Variants in CIT observed in about 807,000 individuals in gnomAD.
CIT encodes the protein citron rho-interacting serine/threonine kinase, also known as citron Rho-interacting kinase.
A neutral mutation model predicts 272.7 loss-of-function variants in CIT; 79 were observed. The ratio of observed to expected loss-of-function variants is 0.29; its 90% confidence interval spans 0.24 to 0.35. The LOEUF is 0.35. CIT is among the 10% of genes least tolerant of loss of function. CIT has a pLI of 1.00. For missense variants in CIT, 1,909 were observed against 2,618.3 expected, an observed-to-expected ratio of 0.73 and a Z score of 5.91; for synonymous variants, 948 against 995.6, an observed-to-expected ratio of 0.95 and a Z score of 0.90.
At chr12:119,864,674 C>T (rs1159914722) in intron 3 of CIT, among the ~76,000 whole-genome samples, 1 of 152,164 alleles carries the variant, frequency 6.6e-6, no homozygotes, top group Non-Finnish European at 1.5e-5. Context: ...ATATTTTTTA[C>T]ACAAATTATC....
intron 13 of CIT, among the ~76,000 whole-genome samples, chr12:119,778,269 C>A (rs1963965903): frequency 6.6e-6 from 1 of 152,146 alleles, no homozygotes; most frequent in Non-Finnish European, 1.5e-5. Context: ...CAGAACTGGG[C>A]TCACCAAAAG....
intron 18 of CIT, among the ~76,000 whole-genome samples, chr12:119,767,934 G>A (rs1424627294): frequency 1.4e-5 from 2 of 143,996 alleles, no homozygotes; most frequent in Non-Finnish European, 3.0e-5. Flanking sequence ...TTTTTTAGAC[G>A]GATTTTCACT....
rs1956095903 is a variant in CIT at position 119,694,052 on chromosome 12, A to G, written c.5883-3598T>C. ...TTAAATAATCTCAGACCTTCTTTGCAGGCCAAGGTTTCAAACTTCCTACAC... is the reference window on the plus strand; with the variant it reads ...TTAAATAATCTCAGACCTTCTTTGCGGGCCAAGGTTTCAAACTTCCTACAC... On this transcript the variant is annotated intron_variant, in intron 46 of 47. Transcript: ENST00000392521. This position sits in a 1 kb window ranked among gnomAD's most constrained non-coding sequence, Gnocchi z 4.5. Among the ~76,000 whole-genome samples, 1 of 152,130 alleles carries G rather than the reference A, an allele frequency of 6.6e-6. No individual in the cohort carries two copies. The highest frequency in any genetic ancestry group is 2.1e-4 in the South Asian group (1 of 4,824).
intron 1 of CIT, 52 bp from the exon 2 acceptor site, chr12:119,876,233 G>A: frequency 8.5e-7 from 1 of 1,171,374 alleles, no homozygotes; most frequent in Admixed American, 1.9e-5. Flanking sequence ...AGCAGGAAGG[G>A]CCTGAGAGAT....
At chr12:119,790,760 T>G (rs1472802559) in intron 10 of CIT, among the ~76,000 whole-genome samples, 1 of 152,162 alleles carries the variant, frequency 6.6e-6, no homozygotes, top group Non-Finnish European at 1.5e-5. Context: ...CCAAAGATGC[T>G]GCTCAACATC....
chr12:119,790,799 A>C lies in CIT; in HGVS notation c.1296-5734T>G, dbSNP rs181988854. On this transcript the variant is annotated intron_variant, in intron 10 of 47. Coordinates refer to ENST00000392521, the MANE Select transcript of CIT (RefSeq NM_001206999.2). ...CAATCCACAGGACAGCTCCCACAAC[A>C]AGAATTATCCAGCCCAAAATGTCAA... is the stretch of plus-strand genomic sequence containing the variant. 4.3e-4 allele frequency among the ~76,000 whole-genome samples: 66 copies of C among 152,292 alleles called. 1 individual carries two copies. In the East Asian group the frequency reaches 0.012, roughly 28 times the overall value.
At position 119,784,710 on chromosome 12, in the gene CIT, C is replaced by T. The variant is rs1387676664; in HGVS notation, c.1401+250G>A. 5.5e-5 allele frequency: 74 copies of T among 1,345,776 alleles called. No homozygotes were observed. Among genetic ancestry groups the T allele is most frequent in the Non-Finnish European group, 6.5e-5 (68 of 1,050,204 alleles). 83.4% of individuals were successfully genotyped at this position (1,345,776 alleles called of 1,614,324 possible). On this transcript the variant is annotated intron_variant, in intron 11 of 47. Coordinates refer to ENST00000392521, the MANE Select transcript of CIT (RefSeq NM_001206999.2). The surrounding 1 kb of genome is among the most constrained non-coding windows in gnomAD (Gnocchi z 4.7). ...GGAAGAAGCAGACATCTGGCTGGGT[C>T]ATGCTGAGAAACGGACTGTTTAAAT...
chr12:119,711,099 G>A, intron 37 of CIT: 1 of 1,366,588 alleles, frequency 7.3e-7, no homozygotes, highest in Non-Finnish European at 9.8e-7. Context: ...CGGGCCTATT[G>A]TACACATATT....
rs948815151 is a variant in CIT, at chr12:119,836,370, T to TCC, written c.517-2144_517-2143dup. Among the ~76,000 whole-genome samples the TCC allele has an allele frequency of 6.7e-5, 10 of 149,992 alleles. 1 individual carries two copies. Among genetic ancestry groups the TCC allele is most frequent in the Non-Finnish European group, 1.0e-4 (7 of 67,738 alleles). ...CAGCACCTAACATACACACCTTCTT[T>TCC]CCCCCAAGTTCCTAGCAGACATTAG... On this transcript the variant is annotated intron_variant, in intron 5 of 47. Transcript: ENST00000392521.
chr12:119,769,949 C>T (rs1473546600), intron 18 of CIT, among the ~76,000 whole-genome samples: 7 of 152,188 alleles, frequency 4.6e-5, no homozygotes, highest in African/African-American at 1.4e-4. Flanking sequence ...GCCCTGCTCA[C>T]GACCTTGCCT....
intron 44 of CIT, 125 bp from the exon 45 acceptor site, chr12:119,698,179 C>A: frequency 1.3e-6 from 1 of 795,026 alleles, no homozygotes; most frequent in Non-Finnish European, 2.2e-6. Context: ...CCAACAAATA[C>A]ATATCTATGC....
chr12:119,734,542 C>G (rs1958649206), intron 25 of CIT, 185 bp from the exon 26 acceptor site: 1 of 642,870 alleles, frequency 1.6e-6, no homozygotes, highest in South Asian at 1.9e-5. Context: ...CTGCAGCCAC[C>G]TTAGAGGCAG....
intron 3 of CIT, among the ~76,000 whole-genome samples, chr12:119,865,320 A>G (rs1206861913): frequency 2.6e-5 from 4 of 152,232 alleles, no homozygotes. Context: ...TAGCCTCATC[A>G]CATAACTTCC....
Position 119,687,983 on chromosome 12 carries a change from G to GT in CIT, c.*248dup. ...AAAAGTTTGTGAATGCTTTGAAAGAGTAACAAAGTGCAAAGAGATGACTGC... is the reference window on the plus strand; with the variant it reads ...AAAAGTTTGTGAATGCTTTGAAAGAGTTAACAAAGTGCAAAGAGATGACTGC... On this transcript the variant is annotated 3_prime_UTR_variant, in exon 48 of 48. Transcript: ENST00000392521. The GT allele has an allele frequency of 1.8e-6, 1 of 559,832 alleles. No homozygotes were observed. Among genetic ancestry groups the GT allele is most frequent in the Non-Finnish European group, 3.2e-6 (1 of 314,038 alleles). 34.7% of individuals were successfully genotyped at this position (559,832 alleles called of 1,614,324 possible).
At position 119,702,531 on chromosome 12, in the gene CIT, CA is replaced by C. The variant is rs1956649979; in HGVS notation, c.5305-574del. On this transcript the variant is annotated intron_variant, in intron 41 of 47. Coordinates refer to ENST00000392521, the MANE Select transcript of CIT (RefSeq NM_001206999.2). ...TGAAACCCCGTCTCTACTAAAAATA[CA>C]AAAAATTAGCCAGGTGTGGTGGTGT... Among the ~76,000 whole-genome samples, 3 of 151,946 alleles carry C rather than the reference CA, an allele frequency of 2.0e-5. No individual in the cohort carries two copies. The South Asian group carries it at 6.2e-4, about 32-fold the overall frequency.
rs1249715983 is a variant in CIT, at chr12:119,745,786, G to T, written c.2905-3322C>A. Among the ~76,000 whole-genome samples the T allele has an allele frequency of 1.1e-4, 16 of 150,132 alleles. No homozygotes were observed. In the Admixed American group the frequency reaches 1.1e-3, roughly 10 times the overall value. On this transcript the variant is annotated intron_variant, in intron 23 of 47. Coordinates refer to ENST00000392521, the MANE Select transcript of CIT (RefSeq NM_001206999.2). Reference sequence around the variant, plus strand: ...AATGTCACATGTATCTCAAAAATATGTACGACTGTGATATACCAATAAAAA... The same window carrying T: ...AATGTCACATGTATCTCAAAAATATTTACGACTGTGATATACCAATAAAAA...
chr12:119,707,866 C>A (rs1209676406), intron 40 of CIT, among the ~76,000 whole-genome samples: 6 of 152,228 alleles, frequency 3.9e-5, no homozygotes, highest in Non-Finnish European at 7.3e-5. Context: ...ATCTGTCCAA[C>A]CTTAGACAAG....
chr12:119,752,684 G>A (rs1960416003), intron 22 of CIT, among the ~76,000 whole-genome samples: 1 of 152,110 alleles, frequency 6.6e-6, no homozygotes, highest in Non-Finnish European at 1.5e-5. Context: ...TTTTAAACAC[G>A]CTTTCTCTGA....
At position 119,876,063 on chromosome 12, in the gene CIT, A is replaced by G. The variant is rs781002867; in HGVS notation, c.96+10T>C. The G allele has an allele frequency of 1.3e-5, 21 of 1,595,980 alleles. No homozygotes were observed. The South Asian group carries it at 2.1e-4, about 16-fold the overall frequency. ...CACAGGTGAGCAAAGTTGGCAGGGT[A>G]GGCTGTTACCTGGAAGAACAGATTC... is the stretch of plus-strand genomic sequence containing the variant. On this transcript the variant is annotated intron_variant, in intron 2 of 47. Coordinates refer to ENST00000392521, the MANE Select transcript of CIT (RefSeq NM_001206999.2).
Sources: allele counts gnomAD v4.1 joint callset (sites outside exome capture counted in the v4.1 genomes callset), GRCh38; gene constraint gnomAD v4.1.1; non-coding constraint Gnocchi (gnomAD v3.1); transcripts MANE v1.5; gene names NCBI Gene and HGNC (gene_info 2026-07-23, HGNC 2026-07-21).